The following WDR72 variants were observed in gnomAD, a reference collection of about 807,000 sequenced individuals.
WDR72 encodes the protein WD repeat domain 72, also known as WD repeat-containing protein 72.
WDR72 carries 120 observed loss-of-function variants against 124.2 expected under a neutral mutation model. The ratio of observed to expected loss-of-function variants is 0.97; its 90% CI spans 0.83 to 1.12. WDR72 has a LOEUF of 1.12. Among genes scored for constraint, WDR72 ranks in the 50% most tolerant of loss-of-function variants. The pLI is 0.00. For missense variants in WDR72, 1,387 were observed against 1,278.8 expected, an observed-to-expected ratio of 1.08 and a Z score of -1.29; for synonymous variants, 452 against 441.7, an observed-to-expected ratio of 1.02 and a Z score of -0.29.
chr15:53,647,388 T>C, intron 14 of WDR72, among the ~76,000 whole-genome samples: 1 of 152,018 alleles, frequency 6.6e-6, no homozygotes, highest in East Asian at 1.9e-4. Flanking sequence ...AATTCAATAA[T>C]AAAGATAATC....
At chr15:53,551,068 G>A (rs1274686680) in intron 18 of WDR72, among the ~76,000 whole-genome samples, 1 of 152,126 alleles carries the variant, frequency 6.6e-6, no homozygotes, top group African/African-American at 2.4e-5. Context: ...CCTGAAAAAT[G>A]GGCAGAAATT....
chr15:53,610,376 G>A (rs2013487028), intron 16 of WDR72, among the ~76,000 whole-genome samples: 1 of 151,980 alleles, frequency 6.6e-6, no homozygotes, highest in Admixed American at 6.6e-5. Context: ...GATGGCTACA[G>A]TCTATTATCT....
chr15:53,591,224 C>T (rs1298361823), intron 18 of WDR72, among the ~76,000 whole-genome samples: 4 of 152,036 alleles, frequency 2.6e-5, no homozygotes, highest in African/African-American at 9.7e-5. Flanking sequence ...ATCTGACACA[C>T]TTTTATGGTT....
intron 18 of WDR72, among the ~76,000 whole-genome samples, chr15:53,577,699 TA>T (rs2011687992): frequency 6.6e-6 from 1 of 152,138 alleles, no homozygotes; most frequent in East Asian, 1.9e-4. Flanking sequence ...AGGACAAACT[TA>T]AAAAGCTACA....
At chr15:53,538,217 G>A (rs988512051) in intron 18 of WDR72, among the ~76,000 whole-genome samples, 1 of 152,110 alleles carries the variant, frequency 6.6e-6, no homozygotes, top group Non-Finnish European at 1.5e-5. Context: ...TTAAATTATT[G>A]TATGTGCACA....
chr15:53,544,794 G>C (rs1269375347), intron 18 of WDR72, among the ~76,000 whole-genome samples: 1 of 151,740 alleles, frequency 6.6e-6, no homozygotes, highest in Non-Finnish European at 1.5e-5. Context: ...TCCTTAAGCT[G>C]ATAAGCAACT....
At chr15:53,535,237 T>C (rs1892699479) in intron 18 of WDR72, among the ~76,000 whole-genome samples, 1 of 152,196 alleles carries the variant, frequency 6.6e-6, no homozygotes, top group South Asian at 2.1e-4. Context: ...TTGGCTTATA[T>C]ACATTTTTGT....
chr15:53,586,711 G>A (rs567833661), intron 18 of WDR72, among the ~76,000 whole-genome samples: 16 of 152,174 alleles, frequency 1.1e-4, no homozygotes, highest in Admixed American at 2.6e-4. Context: ...AGGACATAAA[G>A]ATGAAAGTGA....
chr15:53,712,658 G>C, intron 7 of WDR72, 114 bp downstream of exon 7: 1 of 1,095,092 alleles, frequency 9.1e-7, no homozygotes, highest in Non-Finnish European at 1.3e-6. Context: ...CCATGTTCTG[G>C]TAATACTATT....
At chr15:53,688,704 G>A (rs969097777) in intron 13 of WDR72, among the ~76,000 whole-genome samples, 21 of 152,010 alleles carry the variant, frequency 1.4e-4, no homozygotes, top group Non-Finnish European at 2.9e-4. Flanking sequence ...CACAGAATTG[G>A]AAAAAACTAC....
chr15:53,733,540 A>T (rs1218663011), intron 1 of WDR72, among the ~76,000 whole-genome samples: 4 of 151,744 alleles, frequency 2.6e-5, no homozygotes, highest in African/African-American at 9.7e-5. Context: ...AGCTTTGCAG[A>T]CTCTCTCTCC....
chr15:53,679,113 T>C (rs1339798383), intron 13 of WDR72, among the ~76,000 whole-genome samples: 1 of 152,168 alleles, frequency 6.6e-6, no homozygotes, highest in East Asian at 1.9e-4. Context: ...ACAGGTAAAT[T>C]CACAGAAACA....
intron 6 of WDR72, among the ~76,000 whole-genome samples, chr15:53,713,411 G>GTATTTTATTTTATTTTATTTTGTTT (rs1555427171): frequency 0.13 from 11,065 of 88,484 alleles, 830 homozygotes; most frequent in African/African-American, 0.16. Flanking sequence ...TTATTTTGTT[G>GTATTTTATTTTATTTTATTTTGTTT]TATTTTATTT....
intron 17 of WDR72, among the ~76,000 whole-genome samples, chr15:53,608,785 T>TAAATAAATAAATAA (rs61501258): frequency 1.3e-5 from 2 of 149,802 alleles, no homozygotes; most frequent in African/African-American, 4.9e-5. Context: ...AATAAATAAA[T>TAAATAAATAAATAA]ATAAAAATAA....
intron 18 of WDR72, among the ~76,000 whole-genome samples, chr15:53,534,233 T>C (rs1389631326): frequency 6.6e-6 from 1 of 152,154 alleles, no homozygotes; most frequent in East Asian, 1.9e-4. Flanking sequence ...AACTTCCAGG[T>C]AGTGATGACT....
At position 53,715,298 on chromosome 15, in the gene WDR72, G is replaced by C. The variant is rs140484726; in HGVS notation, c.409C>G (p.Leu137Val). 2 of 1,614,114 alleles carry C rather than the reference G, an allele frequency of 1.2e-6. No homozygotes were observed. The highest frequency in any genetic ancestry group is 1.7e-6 in the Non-Finnish European group (2 of 1,180,002). ...GCCAAAGTTTTGGCATCAATTATAA[G>C]GACATCTTGATATTCTCCACAACAA... ...LLCCGEYQDVLIIDAKTLAVV... is the reference protein window; with the variant it reads ...LLCCGEYQDVVIIDAKTLAVV... Residue 137 changes from leucine to valine, a missense_variant, in exon 5 of 20, where the codon CTT becomes GTT. Leu to Val is a conservative substitution (Grantham distance 32, BLOSUM62 1). Transcript: ENST00000360509.
chr15:53,583,305 G>C (rs900559346), intron 18 of WDR72, among the ~76,000 whole-genome samples: 5 of 151,976 alleles, frequency 3.3e-5, no homozygotes, highest in African/African-American at 1.2e-4. Flanking sequence ...CGTAGAAAAG[G>C]CATGCTAATC....
chr15:53,677,073 C>T lies in WDR72; in HGVS notation c.1766-11305G>A, dbSNP rs558702429. ...GCAGCTGGGACTACAGGCACCCTCCCGCACGCCCAGCTAATTTTTTGTATT... is the reference window on the plus strand; with the variant it reads ...GCAGCTGGGACTACAGGCACCCTCCTGCACGCCCAGCTAATTTTTTGTATT... On this transcript the variant is annotated intron_variant, in intron 13 of 19. Coordinates refer to ENST00000360509, the MANE Select transcript of WDR72 (RefSeq NM_182758.4). 1.3e-3 allele frequency among the ~76,000 whole-genome samples: 201 copies of T among 151,772 alleles called. 1 individual carries two copies. The highest frequency in any genetic ancestry group is 4.7e-3 in the African/African-American group (195 of 41,382).
intron 18 of WDR72, among the ~76,000 whole-genome samples, chr15:53,573,202 C>A (rs757630959): frequency 6.6e-6 from 1 of 152,114 alleles, no homozygotes; most frequent in Non-Finnish European, 1.5e-5. Context: ...TCCAAATGAC[C>A]TCCCTAAATG....
Sources: allele counts gnomAD v4.1 joint callset (sites outside exome capture counted in the v4.1 genomes callset), GRCh38; gene constraint gnomAD v4.1.1; transcripts MANE v1.5; gene names NCBI Gene and HGNC (gene_info 2026-07-23, HGNC 2026-07-21).